The following TBC1D32 variants were observed in gnomAD, a reference collection of about 807,000 sequenced individuals.
TBC1D32 encodes protein broad-minded.
A neutral mutation model predicts 170.3 loss-of-function variants in TBC1D32; 151 were observed. The observed-to-expected ratio is 0.89, with a 90% CI of 0.78 to 1.01. The LOEUF is 1.01. TBC1D32 is among the 50% of genes least tolerant of loss of function. The pLI, the probability that TBC1D32 is intolerant of heterozygous loss-of-function variation, is 0.00. For synonymous variants in TBC1D32, 498 were observed against 488.0 expected (o/e 1.02, Z -0.27); for missense variants, 1,464 against 1,457.1 (o/e 1.00, Z -0.08).
chr6:121,193,904 CCT>C (rs1383872977), intron 22 of TBC1D32, among the ~76,000 whole-genome samples: 2 of 152,122 alleles, frequency 1.3e-5, no homozygotes, highest in East Asian at 3.9e-4. Context: ...ACTGGGTCCC[CCT>C]GAGGAAGCAC....
chr6:121,146,435 A>T (rs1344620847), intron 24 of TBC1D32, among the ~76,000 whole-genome samples: 2 of 152,206 alleles, frequency 1.3e-5, no homozygotes, highest in Non-Finnish European at 2.9e-5. Flanking sequence ...AAGTGAGTTG[A>T]TATGCCTCAG....
intron 22 of TBC1D32, among the ~76,000 whole-genome samples, chr6:121,199,035 T>A (rs183367574): frequency 4.6e-5 from 7 of 151,454 alleles, no homozygotes; most frequent in Admixed American, 4.6e-4. Context: ...ATACATTTCA[T>A]TAAGTAGGCA....
Position 121,324,794 on chromosome 6 carries a change from A to T in TBC1D32, c.156-3000T>A, listed in dbSNP as rs188562434. 1.9e-3 allele frequency among the ~76,000 whole-genome samples: 284 copies of T among 152,350 alleles called. 1 individual carries two copies. The highest frequency in any genetic ancestry group is 6.5e-3 in the African/African-American group (269 of 41,578). On this transcript the variant is annotated intron_variant, in intron 1 of 31. Transcript: ENST00000398212. ...ATCACACTGGTAAGAAAAAAATTCAAAAATTAAGGTTTCAAGAGAACCCTT... is the reference window on the plus strand; with the variant it reads ...ATCACACTGGTAAGAAAAAAATTCATAAATTAAGGTTTCAAGAGAACCCTT...
chr6:121,171,103 C>T (rs1161509103), intron 22 of TBC1D32, among the ~76,000 whole-genome samples: 1 of 151,634 alleles, frequency 6.6e-6, no homozygotes, highest in Non-Finnish European at 1.5e-5. Context: ...GTACTCTTGC[C>T]CAGAAAACTG....
rs1379507998 is a variant in TBC1D32 at position 121,281,529 on chromosome 6, G to A, written c.1608+15C>T. 3 of 1,596,410 alleles carry A rather than the reference G, an allele frequency of 1.9e-6. No homozygotes were observed. In the African/African-American group the frequency reaches 4.0e-5, roughly 22 times the overall value. On this transcript the variant is annotated intron_variant, in intron 14 of 31. Coordinates refer to ENST00000398212, the MANE Select transcript of TBC1D32 (RefSeq NM_152730.6). ...AGGTAAGAGACTCTTTTTCTCCTTA[G>A]TAAATAATACGAACCTCATTTCCTT... is the stretch of plus-strand genomic sequence containing the variant.
chr6:121,123,490 C>T (rs1290422754), intron 26 of TBC1D32, among the ~76,000 whole-genome samples: 1 of 151,964 alleles, frequency 6.6e-6, no homozygotes, highest in East Asian at 1.9e-4. Flanking sequence ...ATATAATGAC[C>T]TTTTTGGTCT....
At chr6:121,238,446 T>C (rs1214376162) in intron 20 of TBC1D32, among the ~76,000 whole-genome samples, 2 of 152,128 alleles carry the variant, frequency 1.3e-5, no homozygotes, top group African/African-American at 2.4e-5. Flanking sequence ...AACATTGGAG[T>C]GTTTTGCTTT....
intron 10 of TBC1D32, among the ~76,000 whole-genome samples, chr6:121,296,701 G>A (rs901916147): frequency 1.3e-5 from 2 of 151,850 alleles, no homozygotes; most frequent in African/African-American, 2.4e-5. Flanking sequence ...CTTAAACATC[G>A]TTTTGCTTCA....
At chr6:121,100,593 A>G (rs1165845152) in intron 30 of TBC1D32, among the ~76,000 whole-genome samples, 1 of 152,124 alleles carries the variant, frequency 6.6e-6, no homozygotes, top group Non-Finnish European at 1.5e-5. Flanking sequence ...AGCAGTGTGT[A>G]GAGGGAAATT....
intron 21 of TBC1D32, among the ~76,000 whole-genome samples, chr6:121,208,267 TA>T (rs946157319): frequency 2.0e-5 from 3 of 150,874 alleles, no homozygotes; most frequent in African/African-American, 7.3e-5. Context: ...GTAATTTATT[TA>T]AAAAAAAAGG....
intron 30 of TBC1D32, among the ~76,000 whole-genome samples, chr6:121,098,146 G>A (rs368352241): frequency 6.6e-6 from 1 of 151,532 alleles, no homozygotes; most frequent in East Asian, 1.9e-4. Flanking sequence ...GTATACCTAT[G>A]TAACAAACCT....
chr6:121,162,356 C>G, intron 22 of TBC1D32, among the ~76,000 whole-genome samples: 1 of 151,978 alleles, frequency 6.6e-6, no homozygotes, highest in East Asian at 1.9e-4. Context: ...GTATTTAATC[C>G]ACCTTGAGTT....
chr6:121,138,764 A>G (rs1439751139), intron 24 of TBC1D32, among the ~76,000 whole-genome samples: 2 of 152,266 alleles, frequency 1.3e-5, no homozygotes, highest in Admixed American at 1.3e-4. Context: ...TGTGTAAGAC[A>G]GAATACAAAA....
chr6:121,212,705 C>A (rs1051394133), intron 21 of TBC1D32, among the ~76,000 whole-genome samples: 2 of 152,076 alleles, frequency 1.3e-5, no homozygotes, highest in Non-Finnish European at 2.9e-5. Context: ...AGGTGATCCA[C>A]CTGCCTCGGG....
At chr6:121,147,013 T>A (rs939960639) in intron 24 of TBC1D32, among the ~76,000 whole-genome samples, 1 of 152,116 alleles carries the variant, frequency 6.6e-6, no homozygotes, top group African/African-American at 2.4e-5. Flanking sequence ...GTATATTGTT[T>A]CTATCTTTAT....
At chr6:121,125,194 G>A (rs1780694549) in intron 26 of TBC1D32, among the ~76,000 whole-genome samples, 1 of 152,168 alleles carries the variant, frequency 6.6e-6, no homozygotes, top group African/African-American at 2.4e-5. Flanking sequence ...GGGATTCTAA[G>A]CAGACTAAGC....
intron 20 of TBC1D32, among the ~76,000 whole-genome samples, chr6:121,228,233 T>A (rs1404489730): frequency 6.6e-6 from 1 of 152,036 alleles, no homozygotes; most frequent in Non-Finnish European, 1.5e-5. Context: ...ACATTTGGAT[T>A]TGTTATTTCT....
intron 3 of TBC1D32, among the ~76,000 whole-genome samples, chr6:121,315,146 A>C (rs981672327): frequency 3.3e-5 from 5 of 152,216 alleles, no homozygotes; most frequent in Non-Finnish European, 5.9e-5. Context: ...CTCGCTTTGC[A>C]GGGAGAGAGG....
chr6:121,178,204 G>A (rs1156650001), intron 22 of TBC1D32, among the ~76,000 whole-genome samples: 1 of 152,128 alleles, frequency 6.6e-6, no homozygotes, highest in Admixed American at 6.5e-5. Context: ...CCCTTGACAC[G>A]TGGGGATTAT....
Sources: allele counts gnomAD v4.1 joint callset (sites outside exome capture counted in the v4.1 genomes callset), GRCh38; gene constraint gnomAD v4.1.1; transcripts MANE v1.5; gene names NCBI Gene and HGNC (gene_info 2026-07-23, HGNC 2026-07-21).